EFHC1: variants seen among roughly 807,000 people sequenced by gnomAD.
EFHC1 encodes EF-hand domain containing 1.
In EFHC1, 53 loss-of-function variants were observed where a neutral mutation model predicts 69.9. The observed-to-expected ratio is 0.76, with a 90% CI of 0.61 to 0.95. The LOEUF (loss-of-function observed/expected upper bound fraction) is 0.95, where lower values mean the gene tolerates loss of function less well. EFHC1 is among the 40% of genes least tolerant of loss of function. The probability of loss-of-function intolerance (pLI) is 0.00; values close to 1 mark genes in which losing one functional copy is unlikely to be tolerated. For synonymous variants in EFHC1, 256 were observed against 278.4 expected (o/e 0.92, Z 0.80); for missense variants, 739 against 798.7 (o/e 0.93, Z 0.90).
At chr6:52,472,513 TAAAA>T (rs1765459479) in intron 7 of EFHC1, among the ~76,000 whole-genome samples, 1 of 152,018 alleles carries the variant, frequency 6.6e-6, no homozygotes, top group Non-Finnish European at 1.5e-5. Context: ...AACATAAAGT[TAAAA>T]AATACCATTT....
chr6:52,454,252 G>A lies in EFHC1; in HGVS notation c.881G>A (p.Arg294His), dbSNP rs1570624. The change falls in exon 5 of 11, where the codon CGC becomes CAC. Residue 294 changes from arginine (R) to histidine (H), a missense_variant. Arg to His is a conservative substitution (Grantham distance 29). Coordinates refer to ENST00000371068, the MANE Select transcript of EFHC1 (RefSeq NM_018100.4). ...GRDPFPLLMN[R>H]QRVPKVLVEN... is the part of the protein sequence containing the mutation. Reference sequence around the variant, plus strand: ...GATCCTTTCCCACTCCTAATGAACCGCCAGCGTGTGCCCAAAGTTTTGGTG... The same window carrying A: ...GATCCTTTCCCACTCCTAATGAACCACCAGCGTGTGCCCAAAGTTTTGGTG... 17,377 of 1,614,098 alleles carry A rather than the reference G, an allele frequency of 0.011. 135 individuals are homozygous for A. Among genetic ancestry groups the A allele is most frequent in the Non-Finnish European group, 0.011 (13,299 of 1,179,990 alleles).
intron 2 of EFHC1, among the ~76,000 whole-genome samples, chr6:52,438,078 C>T (rs1764572894): frequency 6.6e-6 from 1 of 151,920 alleles, no homozygotes; most frequent in South Asian, 2.1e-4. Context: ...ATGTAAAACC[C>T]ACTCTTAGCT....
At chr6:52,469,968 T>A (rs1765398121) in intron 7 of EFHC1, among the ~76,000 whole-genome samples, 1 of 152,176 alleles carries the variant, frequency 6.6e-6, no homozygotes, top group Non-Finnish European at 1.5e-5. Context: ...CATATCCCAT[T>A]AATTAGCAGA....
intron 10 of EFHC1, chr6:52,490,629 C>A: frequency 1.7e-6 from 1 of 581,298 alleles, no homozygotes. Context: ...GCAACAGAGA[C>A]GATCCAGGAG....
At chr6:52,459,323 G>A (rs981949967) in intron 5 of EFHC1, among the ~76,000 whole-genome samples, 1 of 152,198 alleles carries the variant, frequency 6.6e-6, no homozygotes, top group Non-Finnish European at 1.5e-5. Flanking sequence ...AAACATATTT[G>A]AGAAGGTACT....
At chr6:52,476,073 G>C (rs1581845104) in intron 7 of EFHC1, among the ~76,000 whole-genome samples, 3 of 152,162 alleles carry the variant, frequency 2.0e-5, no homozygotes, top group Admixed American at 2.0e-4. Context: ...GCAGTGAATG[G>C]AGGGCAAAAA....
At chr6:52,476,947 T>C (rs1765556774) in intron 7 of EFHC1, among the ~76,000 whole-genome samples, 1 of 152,224 alleles carries the variant, frequency 6.6e-6, no homozygotes, top group South Asian at 2.1e-4. Context: ...CTAATGGCTA[T>C]ATAGGATGTT....
intron 3 of EFHC1, among the ~76,000 whole-genome samples, chr6:52,451,619 T>G (rs1764918436): frequency 6.6e-6 from 1 of 152,242 alleles, no homozygotes; most frequent in Admixed American, 6.5e-5. Context: ...GGCTTGGGGA[T>G]GATCTCCTTG....
chr6:52,490,746 A>G (rs538291208), intron 10 of EFHC1: 3 of 316,070 alleles, frequency 9.5e-6, no homozygotes, highest in South Asian at 1.6e-4. Context: ...CAGTAGGGTT[A>G]GCATGAAAGA....
At position 52,452,853 on chromosome 6, in the gene EFHC1, A is replaced by G; in HGVS notation, c.723+16A>G. ...TGACAAACAGGTAAGTGACATAGGAACCACAATAGGCTTACTTATTTCCAA... is the reference window on the plus strand; with the variant it reads ...TGACAAACAGGTAAGTGACATAGGAGCCACAATAGGCTTACTTATTTCCAA... On this transcript the variant is annotated intron_variant, in intron 4 of 10. Coordinates refer to ENST00000371068, the MANE Select transcript of EFHC1 (RefSeq NM_018100.4). 6.2e-7 allele frequency: 1 copy of G among 1,614,058 alleles called. No individual in the cohort carries two copies. Among genetic ancestry groups the G allele is most frequent in the South Asian group, 1.1e-5 (1 of 91,086 alleles).
At chr6:52,476,248 A>C (rs546216446) in intron 7 of EFHC1, among the ~76,000 whole-genome samples, 15 of 152,328 alleles carry the variant, frequency 9.8e-5, no homozygotes, top group African/African-American at 2.4e-4. Flanking sequence ...GTTTCTTCTT[A>C]TTATCATGTG....
rs1764286198 is a variant in EFHC1 at position 52,425,664 on chromosome 6, T to C, written c.285+1497T>C. Among the ~76,000 whole-genome samples the C allele has an allele frequency of 2.0e-5, 3 of 152,198 alleles. No homozygotes were observed. The South Asian group carries it at 6.2e-4, about 32-fold the overall frequency. On this transcript the variant is annotated intron_variant, in intron 2 of 10. Transcript: ENST00000371068. Reference sequence around the variant, plus strand: ...ATTTTACTTGGATCATCACAATTTCTAGATAAATGAGCCTTAGCATAGATA... The same window carrying C: ...ATTTTACTTGGATCATCACAATTTCCAGATAAATGAGCCTTAGCATAGATA...
Position 52,493,245 on chromosome 6 carries a change from A to G in EFHC1, c.*904A>G. 1 of 453,104 alleles carries G rather than the reference A, an allele frequency of 2.2e-6. No homozygotes were observed. Among genetic ancestry groups the G allele is most frequent in the Non-Finnish European group, 4.4e-6 (1 of 226,580 alleles). The allele number at this position is 453,104 out of a possible 1,614,324, so 28.1% of individuals were successfully genotyped here. ...TCATAGGCCTTTGGATTCAGACTGG[A>G]ATTATACCTTTAGCTCTCCTGGGTC... On this transcript the variant is annotated 3_prime_UTR_variant, in exon 11 of 11. Coordinates refer to ENST00000371068, the MANE Select transcript of EFHC1 (RefSeq NM_018100.4).
intron 9 of EFHC1, chr6:52,481,489 C>T (rs1482260616): frequency 6.9e-6 from 1 of 145,944 alleles, no homozygotes; most frequent in African/African-American, 2.6e-5. Context: ...ATATTTTAGG[C>T]TGTGAGACTG....
At chr6:52,492,127 T>C in intron 10 of EFHC1, 143 bp from the exon 11 acceptor site, 1 of 733,012 alleles carries the variant, frequency 1.4e-6, no homozygotes, top group African/African-American at 1.7e-5. Context: ...GTTCACAGGA[T>C]CATTTCAGAA....
intron 3 of EFHC1, among the ~76,000 whole-genome samples, chr6:52,442,838 A>G (rs1289101532): frequency 1.3e-5 from 2 of 152,080 alleles, no homozygotes; most frequent in Non-Finnish European, 2.9e-5. Flanking sequence ...GTCATATGGT[A>G]TTTCTTGTTC....
chr6:52,445,943 G>A (rs565575015), intron 3 of EFHC1, among the ~76,000 whole-genome samples: 6 of 152,246 alleles, frequency 3.9e-5, no homozygotes, highest in African/African-American at 1.4e-4. Flanking sequence ...TATAATTTCT[G>A]TTCTTTTACA....
chr6:52,465,910 A>G (rs930435697), intron 6 of EFHC1, among the ~76,000 whole-genome samples: 2 of 149,252 alleles, frequency 1.3e-5, no homozygotes, highest in African/African-American at 4.9e-5. Context: ...TATTGGATAT[A>G]TATGATAGGA....
At chr6:52,431,677 C>T (rs943907175) in intron 2 of EFHC1, among the ~76,000 whole-genome samples, 4 of 151,998 alleles carry the variant, frequency 2.6e-5, no homozygotes, top group Admixed American at 1.3e-4. Context: ...GTATATTCTG[C>T]GGTTGTTGGG....
Sources: gnomAD v4.1 joint callset for allele counts (sites outside exome capture counted in the v4.1 genomes callset) on GRCh38, gnomAD v4.1.1 for gene constraint, MANE v1.5 for transcripts, NCBI Gene and HGNC (gene_info 2026-07-23, HGNC 2026-07-21) for gene names.